The following TOP2B variants were observed in gnomAD, a reference collection of about 807,000 sequenced individuals.
TOP2B encodes the protein DNA topoisomerase 2-beta.
In TOP2B, 51 loss-of-function variants were observed where a neutral mutation model predicts 193.5. That is an observed-to-expected ratio of 0.26 (90% CI 0.21 to 0.33). TOP2B has a LOEUF of 0.33. Ranked by LOEUF, TOP2B falls within the 10% of genes least tolerant of loss-of-function variation. The pLI is 1.00. For synonymous variants in TOP2B, 634 were observed against 635.7 expected, an observed-to-expected ratio of 1.00 and a Z score of 0.04; for missense variants, 1,378 against 1,909.3, an observed-to-expected ratio of 0.72 and a Z score of 5.19.
At position 25,598,255 on chromosome 3, in the gene TOP2B, C is replaced by A; in HGVS notation, c.*52G>T. ...GTACAAAAGTCTGAGACAGAGAAGA[C>A]AAAAGGACAACACAAGATATTTGTT... On this transcript the variant is annotated 3_prime_UTR_variant, in exon 36 of 36. Transcript: ENST00000264331. The A allele has an allele frequency of 1.3e-6, 2 of 1,527,692 alleles. No individual in the cohort carries two copies. The highest frequency in any genetic ancestry group is 1.4e-5 in the African/African-American group (1 of 72,472). The allele number at this position is 1,527,692 out of a possible 1,614,324, so 94.6% of individuals were successfully genotyped here.
intron 1 of TOP2B, among the ~76,000 whole-genome samples, chr3:25,662,989 C>G (rs1703962063): frequency 6.6e-6 from 1 of 152,206 alleles, no homozygotes; most frequent in South Asian, 2.1e-4. Context: ...ACATGGACCA[C>G]TAACTTAGTA....
intron 1 of TOP2B, among the ~76,000 whole-genome samples, chr3:25,652,862 T>C (rs1703632124): frequency 6.6e-6 from 1 of 152,088 alleles, no homozygotes; most frequent in African/African-American, 2.4e-5. Context: ...AACCAAGAGT[T>C]TGTTTTTTGA....
At chr3:25,653,341 G>A (rs1214284236) in intron 1 of TOP2B, among the ~76,000 whole-genome samples, 6 of 151,760 alleles carry the variant, frequency 4.0e-5, no homozygotes, top group South Asian at 2.1e-4. Context: ...AACAATACCC[G>A]TGATAAAGAC....
intron 30 of TOP2B, 144 bp from the exon 31 acceptor site, chr3:25,607,519 A>T: frequency 2.6e-6 from 3 of 1,172,428 alleles, no homozygotes; most frequent in Non-Finnish European, 3.5e-6. Flanking sequence ...TACAGAATAA[A>T]AGCCAACAAC....
At chr3:25,648,396 T>C (rs1703474215) in intron 1 of TOP2B, among the ~76,000 whole-genome samples, 1 of 152,128 alleles carries the variant, frequency 6.6e-6, no homozygotes, top group Non-Finnish European at 1.5e-5. Context: ...CATAAAAGAT[T>C]TGTGAGGTCT....
chr3:25,638,300 T>C lies in TOP2B; in HGVS notation c.406A>G (p.Ile136Val), dbSNP rs1703158607. 1 of 863,430 alleles carries C rather than the reference T, an allele frequency of 1.2e-6. No individual in the cohort carries two copies. The highest frequency in any genetic ancestry group is 1.5e-6 in the Non-Finnish European group (1 of 683,994). The allele number at this position is 863,430 out of a possible 1,614,324, so 53.5% of individuals were successfully genotyped here. The change falls in exon 5 of 36, where the codon ATT becomes GTT. Residue 136 changes from isoleucine (I) to valine (V), a missense_variant. Around this residue, in one of 9 missense-constraint regions of TOP2B, gnomAD observed 21 missense variants for 19.6 expected, o/e 1.07. Transcript: ENST00000264331. ...IKVSIDPESN[I>V]ISIWNNGKGI... ...TTCCCATTATTCCAAATGCTTATAA[T>C]GTTAGATTCACTGTAAAAAAAAAAA... is the stretch of plus-strand genomic sequence containing the variant.
At chr3:25,600,500 C>T (rs1045762055) in intron 34 of TOP2B, among the ~76,000 whole-genome samples, 2 of 152,190 alleles carry the variant, frequency 1.3e-5, no homozygotes, top group African/African-American at 4.8e-5. Flanking sequence ...CCAACCACTC[C>T]TTAAAGAAAT....
intron 1 of TOP2B, among the ~76,000 whole-genome samples, chr3:25,659,050 G>A (rs1362309458): frequency 6.6e-6 from 1 of 152,210 alleles, no homozygotes; most frequent in Non-Finnish European, 1.5e-5. Context: ...AGGCCAACAA[G>A]AGTGGAAGTG....
rs2125377928 is a variant in TOP2B, at chr3:25,630,444, T to C, written c.1431A>G (p.Thr477=). Residue 477 remains threonine, a synonymous_variant, in exon 12 of 36, where the codon ACA becomes ACG. Coordinates refer to ENST00000264331, the MANE Select transcript of TOP2B (RefSeq NM_001330700.2). The part of the protein sequence containing the change: ...DAGGKHSLEC[T]LILTEGDSAK... The stretch of plus-strand genomic sequence containing the variant: ...CAGAGTCTCCCTCTGTTAATATCAG[T>C]GTACACTCCAGGGAATGTTTACCAC... 1 of 1,551,384 alleles carries C rather than the reference T, an allele frequency of 6.4e-7. No individual in the cohort carries two copies. The highest frequency in any genetic ancestry group is 8.7e-7 in the Non-Finnish European group (1 of 1,146,534).
chr3:25,661,650 T>C (rs1013449253), intron 1 of TOP2B, among the ~76,000 whole-genome samples: 7 of 152,184 alleles, frequency 4.6e-5, no homozygotes, highest in Non-Finnish European at 1.0e-4. Flanking sequence ...TATTTTTCAC[T>C]TTTTTTAATT....
At chr3:25,636,670 T>C (rs890159988) in intron 6 of TOP2B, among the ~76,000 whole-genome samples, 1 of 151,980 alleles carries the variant, frequency 6.6e-6, no homozygotes, top group African/African-American at 2.4e-5. Context: ...GCCAACAAAA[T>C]CTCTCAAATT....
chr3:25,636,298 C>CA (rs528243568), intron 6 of TOP2B, 150 bp from the exon 7 acceptor site: 543 of 570,018 alleles, frequency 9.5e-4, no homozygotes, highest in South Asian at 1.4e-3. Context: ...ATATTACAGA[C>CA]AAAAAAAAAT....
rs1191523804 is a variant in TOP2B at position 25,623,764 on chromosome 3, A to C, written c.2496-18T>G. 5.9e-6 allele frequency: 9 copies of C among 1,527,850 alleles called. No homozygotes were observed. The highest frequency in any genetic ancestry group is 4.6e-5 in the East Asian group (2 of 43,944). The allele number at this position is 1,527,850 out of a possible 1,614,324, so 94.6% of individuals were successfully genotyped here. A position where few individuals can be genotyped will look rare whatever the true frequency, so the allele number is the denominator to read the frequency against. On this transcript the variant is annotated intron_variant, in intron 20 of 35. Coordinates refer to ENST00000264331, the MANE Select transcript of TOP2B (RefSeq NM_001330700.2). ...CTAAAGTGCTAATGAAAACAAAAAG[A>C]AGCAAATGAAAAAATGTCATGGCTT...
At chr3:25,632,659 A>G in intron 9 of TOP2B, 34 bp downstream of exon 9, 2 of 1,604,454 alleles carry the variant, frequency 1.2e-6, no homozygotes, top group Non-Finnish European at 1.7e-6. Flanking sequence ...ATGCATATGT[A>G]TGCATCATGT....
intron 26 of TOP2B, 23 bp from the exon 27 acceptor site, chr3:25,615,311 A>C (rs1279537035): frequency 1.3e-6 from 2 of 1,593,204 alleles, no homozygotes; most frequent in South Asian, 2.3e-5. Context: ...AGTACAGTTT[A>C]AACATTCAAT....
chr3:25,647,009 G>T (rs2125399010), intron 1 of TOP2B, among the ~76,000 whole-genome samples: 1 of 152,154 alleles, frequency 6.6e-6, no homozygotes, highest in East Asian at 1.9e-4. Context: ...CATTAACACT[G>T]CTCAAAGACA....
At chr3:25,607,456 G>A (rs914502874) in intron 30 of TOP2B, 81 bp from the exon 31 acceptor site, 24 of 1,424,750 alleles carry the variant, frequency 1.7e-5, no homozygotes, top group Non-Finnish European at 2.3e-5. Flanking sequence ...TAAAGCATTT[G>A]AAGTATATTC....
chr3:25,652,221 A>G (rs1322749956), intron 1 of TOP2B, among the ~76,000 whole-genome samples: 5 of 152,210 alleles, frequency 3.3e-5, no homozygotes, highest in Non-Finnish European at 7.4e-5. Flanking sequence ...CAACACAATA[A>G]TAGTAGGAGA....
At position 25,623,622 on chromosome 3, in the gene TOP2B, C is replaced by T. The variant is rs1702719803; in HGVS notation, c.2620G>A (p.Ala874Thr). The change falls in exon 21 of 36, where the codon GCT becomes ACT. Residue 874 changes from alanine to threonine, a missense_variant. Ala to Thr is a moderately conservative substitution (Grantham distance 58). This residue lies in a region of TOP2B where 379 missense variants were observed against 615.1 expected (regional missense o/e 0.62). Coordinates refer to ENST00000264331, the MANE Select transcript of TOP2B (RefSeq NM_001330700.2). ...PIIPMVLINGAEGIGTGWACK... is the reference protein window; with the variant it reads ...PIIPMVLINGTEGIGTGWACK... ...GCCCATCCAGTACCAATGCCCTCAG[C>T]ACCATTTATTAAAACCATGGGAATT... 6.2e-7 allele frequency: 1 copy of T among 1,613,768 alleles called. No individual in the cohort carries two copies. The highest frequency in any genetic ancestry group is 1.1e-5 in the South Asian group (1 of 91,088).
Sources: allele counts gnomAD v4.1 joint callset (sites outside exome capture counted in the v4.1 genomes callset), GRCh38; gene constraint gnomAD v4.1.1; regional missense constraint gnomAD v4.1.1; transcripts MANE v1.5; gene names NCBI Gene and HGNC (gene_info 2026-07-23, HGNC 2026-07-21).